The following CSMD3 variants were observed in gnomAD, a reference collection of about 807,000 sequenced individuals.
The protein encoded by CSMD3 is CUB and sushi domain-containing protein 3.
Under a neutral mutation model 435.2 loss-of-function variants are expected in CSMD3, and 177 were observed. The ratio of observed to expected loss-of-function variants is 0.41; its 90% CI spans 0.36 to 0.46. The LOEUF (loss-of-function observed/expected upper bound fraction) is 0.46, where lower values mean the gene tolerates loss of function less well. Among genes scored for constraint, CSMD3 ranks in the 20% least tolerant of loss-of-function variants. The probability of loss-of-function intolerance (pLI) is 0.34; values close to 1 mark genes in which losing one functional copy is unlikely to be tolerated. For missense variants in CSMD3, 4,265 were observed against 4,504.6 expected (o/e 0.95, Z 1.52); for synonymous variants, 1,656 against 1,520.5 (o/e 1.09, Z -2.07).
intron 22 of CSMD3, among the ~76,000 whole-genome samples, chr8:112,609,110 G>C (rs1316284741): frequency 1.4e-5 from 2 of 146,346 alleles, no homozygotes; most frequent in African/African-American, 5.0e-5. Context: ...GCTGAGGCAG[G>C]AGAATCGCTT....
intron 13 of CSMD3, among the ~76,000 whole-genome samples, chr8:112,715,704 C>T (rs2076710497): frequency 6.6e-6 from 1 of 152,150 alleles, no homozygotes; most frequent in African/African-American, 2.4e-5. Flanking sequence ...AATCCAGCTG[C>T]ACATCAAAAA....
intron 7 of CSMD3, among the ~76,000 whole-genome samples, chr8:112,958,445 G>A (rs1223759726): frequency 6.6e-6 from 1 of 152,070 alleles, no homozygotes; most frequent in East Asian, 1.9e-4. Context: ...TTAGTTGTAA[G>A]CCCTGGACAC....
In CSMD3 at chr8:112,224,018, T is replaced by C. The variant is rs550288174; in HGVS notation, c.*753A>G. The C allele has an allele frequency of 4.1e-4, 62 of 152,256 alleles. No homozygotes were observed. The highest frequency in any genetic ancestry group is 1.4e-3 in the African/African-American group (58 of 41,544). 9.4% of individuals were successfully genotyped at this position (152,256 alleles called of 1,614,324 possible). Reference sequence around the variant, plus strand: ...TAAAAATAAATAGGAAAAAACCATATTGAAGCAAGGAGTGAAACACTACCC... The same window carrying C: ...TAAAAATAAATAGGAAAAAACCATACTGAAGCAAGGAGTGAAACACTACCC... On this transcript the variant is annotated 3_prime_UTR_variant, in exon 71 of 71. Transcript: ENST00000297405.
chr8:112,301,217 G>C (rs2130752036), intron 53 of CSMD3, among the ~76,000 whole-genome samples: 1 of 151,984 alleles, frequency 6.6e-6, no homozygotes, highest in South Asian at 2.1e-4. Flanking sequence ...AAAAGAGGCA[G>C]GGTAAGAAGA....
rs770848658 is a variant in CSMD3, at chr8:113,098,923, G to T, written c.750C>A (p.Gly250=). 9 of 1,612,160 alleles carry T rather than the reference G, an allele frequency of 5.6e-6. No homozygotes were observed. In the South Asian group the frequency reaches 9.9e-5, roughly 18 times the overall value. Residue 250 remains glycine (G), a synonymous_variant, in exon 5 of 71, where the codon GGC becomes GGA. Transcript: ENST00000297405. The stretch of plus-strand genomic sequence containing the variant: ...TAGGAAAACTAGGGCTGGATATGAT[G>T]CCACTGGATCCTCTCATTGTTCCTC... ...ACGGTMRGSS[G]IISSPSFPNE... is the part of the protein sequence containing the mutation.
intron 11 of CSMD3, among the ~76,000 whole-genome samples, chr8:112,857,841 T>G (rs1042904001): frequency 6.6e-6 from 1 of 151,696 alleles, no homozygotes; most frequent in African/African-American, 2.4e-5. Flanking sequence ...TCATGTTTTT[T>G]TTTTTCCTCA....
intron 22 of CSMD3, among the ~76,000 whole-genome samples, chr8:112,590,454 G>A (rs1202603719): frequency 6.6e-6 from 1 of 151,970 alleles, no homozygotes; most frequent in Non-Finnish European, 1.5e-5. Flanking sequence ...GGGGGTGGGA[G>A]ACAAAGGAGA....
chr8:113,389,045 A>G lies in CSMD3; in HGVS notation c.178+47632T>C, dbSNP rs542998683. 1.9e-4 allele frequency among the ~76,000 whole-genome samples: 28 copies of G among 146,046 alleles called. No individual in the cohort carries two copies. The Middle Eastern group carries it at 0.011, about 55-fold the overall frequency. On this transcript the variant is annotated intron_variant, in intron 1 of 70. Coordinates refer to ENST00000297405, the MANE Select transcript of CSMD3 (RefSeq NM_198123.2). ...AATATTTGTAAAAATAAGATGTAAA[A>G]TGACATCTTACAACAAAGTTTTTAA... is the stretch of plus-strand genomic sequence containing the variant.
At chr8:112,956,594 T>C (rs2084028154) in intron 7 of CSMD3, among the ~76,000 whole-genome samples, 1 of 151,908 alleles carries the variant, frequency 6.6e-6, no homozygotes, top group Admixed American at 6.6e-5. Flanking sequence ...TCAAAAAGAA[T>C]AAAGAAAACT....
chr8:112,396,523 A>G (rs978410293), intron 35 of CSMD3, among the ~76,000 whole-genome samples: 2 of 152,186 alleles, frequency 1.3e-5, no homozygotes, highest in South Asian at 4.1e-4. Context: ...CAAGGAAACT[A>G]TGCAAGAGTA....
chr8:112,339,548 C>A (rs1184595537), intron 42 of CSMD3, among the ~76,000 whole-genome samples: 1 of 152,088 alleles, frequency 6.6e-6, no homozygotes, highest in Non-Finnish European at 1.5e-5. Flanking sequence ...CTTTGCTTTG[C>A]TGGGCGTTTT....
chr8:113,083,226 G>T (rs770716407), intron 5 of CSMD3, among the ~76,000 whole-genome samples: 2 of 151,966 alleles, frequency 1.3e-5, no homozygotes, highest in Non-Finnish European at 2.9e-5. Context: ...GACAAAGAGA[G>T]AATTCTAAAA....
At chr8:112,689,099 G>A (rs2076075509) in intron 14 of CSMD3, among the ~76,000 whole-genome samples, 1 of 152,130 alleles carries the variant, frequency 6.6e-6, no homozygotes, top group African/African-American at 2.4e-5. Flanking sequence ...AGTAATCTTG[G>A]TTAAAGATAA....
At chr8:112,897,694 C>CTGTGTGTGTG (rs375797134) in intron 10 of CSMD3, among the ~76,000 whole-genome samples, 15 of 91,036 alleles carry the variant, frequency 1.6e-4, no homozygotes, top group African/African-American at 6.6e-4. Flanking sequence ...CTCTCTCTCT[C>CTGTGTGTGTG]TGTGTGTGTG....
At chr8:112,398,363 G>A (rs1030987202) in intron 35 of CSMD3, among the ~76,000 whole-genome samples, 1 of 152,120 alleles carries the variant, frequency 6.6e-6, no homozygotes, top group African/African-American at 2.4e-5. Context: ...TTGCATGCCT[G>A]TGGTTCTCCC....
chr8:112,827,535 T>C (rs2079734690), intron 12 of CSMD3, among the ~76,000 whole-genome samples: 1 of 152,160 alleles, frequency 6.6e-6, no homozygotes, highest in African/African-American at 2.4e-5. Context: ...GTTTTACAAT[T>C]TTATCTCTAA....
chr8:112,499,846 T>C (rs1821761901), intron 30 of CSMD3, among the ~76,000 whole-genome samples: 1 of 151,954 alleles, frequency 6.6e-6, no homozygotes, highest in Non-Finnish European at 1.5e-5. Flanking sequence ...TGGCCAGGCG[T>C]GGTGGCTTAC....
At chr8:113,429,796 A>T (rs2094659641) in intron 1 of CSMD3, among the ~76,000 whole-genome samples, 1 of 152,114 alleles carries the variant, frequency 6.6e-6, no homozygotes, top group Non-Finnish European at 1.5e-5. Context: ...ATCTAGTCTG[A>T]GTTCTGGAAT....
intron 12 of CSMD3, among the ~76,000 whole-genome samples, chr8:112,815,999 C>T (rs1238679752): frequency 6.6e-6 from 1 of 152,064 alleles, no homozygotes. Context: ...GAGAAAACTG[C>T]TCCCATCAGT....
Sources: allele counts gnomAD v4.1 joint callset (sites outside exome capture counted in the v4.1 genomes callset), GRCh38; gene constraint gnomAD v4.1.1; transcripts MANE v1.5; gene names NCBI Gene and HGNC (gene_info 2026-07-23, HGNC 2026-07-21).